SAYSD1: variants seen among roughly 807,000 people sequenced by gnomAD.
SAYSD1 encodes the protein SAYSVFN motif domain containing 1.
Under a neutral mutation model 14.5 loss-of-function variants are expected in SAYSD1, and 15 were observed. That is an observed-to-expected ratio of 1.03 (90% CI 0.69 to 1.59). The LOEUF (loss-of-function observed/expected upper bound fraction) is 1.59, where lower values mean the gene tolerates loss of function less well. Among genes scored for constraint, SAYSD1 ranks in the 40% most tolerant of loss-of-function variants. SAYSD1 has a pLI of 0.00. For missense variants in SAYSD1, 247 were observed against 227.3 expected (o/e 1.09, Z -0.56); for synonymous variants, 105 against 102.6 (o/e 1.02, Z -0.14).
At chr6:39,108,829 G>A (rs1769566900) in intron 1 of SAYSD1, among the ~76,000 whole-genome samples, 1 of 152,124 alleles carries the variant, frequency 6.6e-6, no homozygotes, top group South Asian at 2.1e-4. Context: ...ATTTAAAATA[G>A]TACTCTGCTC....
At chr6:39,108,619 T>C (rs1769548881) in intron 1 of SAYSD1, among the ~76,000 whole-genome samples, 1 of 152,142 alleles carries the variant, frequency 6.6e-6, no homozygotes, top group South Asian at 2.1e-4. Flanking sequence ...AATATCAAGC[T>C]GCTTCTTACC....
intron 1 of SAYSD1, among the ~76,000 whole-genome samples, chr6:39,107,232 C>T (rs555361549): frequency 6.6e-6 from 1 of 152,248 alleles, no homozygotes; most frequent in African/African-American, 2.4e-5. Context: ...CCTAGAATTC[C>T]GTCCACTTCC....
intron 1 of SAYSD1, among the ~76,000 whole-genome samples, chr6:39,109,871 T>C (rs527316101): frequency 6.6e-6 from 1 of 152,340 alleles, no homozygotes; most frequent in East Asian, 1.9e-4. Context: ...CATGATGTCC[T>C]CTAGGTTCAA....
At chr6:39,114,832 C>G in intron 1 of SAYSD1, 51 bp downstream of exon 1, 1 of 1,573,120 alleles carries the variant, frequency 6.4e-7, no homozygotes, top group Non-Finnish European at 8.7e-7. Flanking sequence ...GCCGCGCCCT[C>G]GACTGTGGCT....
chr6:39,109,593 A>G, intron 1 of SAYSD1: 1 of 1,376,420 alleles, frequency 7.3e-7, no homozygotes, highest in Non-Finnish European at 9.4e-7. Context: ...CTTTGTGCAT[A>G]TACATTACAG....
intron 1 of SAYSD1, chr6:39,109,436 A>G: frequency 6.5e-7 from 1 of 1,546,308 alleles, no homozygotes; most frequent in Non-Finnish European, 8.7e-7. Flanking sequence ...ATGACTGCTG[A>G]AAAGATGCAG....
At chr6:39,106,633 G>A (rs1769509563) in intron 1 of SAYSD1, among the ~76,000 whole-genome samples, 2 of 152,158 alleles carry the variant, frequency 1.3e-5, no homozygotes, top group Non-Finnish European at 1.5e-5. Flanking sequence ...CCCAGCCAAT[G>A]TCTCCTAACT....
chr6:39,109,250 G>T, intron 1 of SAYSD1: 1 of 1,448,316 alleles, frequency 6.9e-7, no homozygotes, highest in East Asian at 2.5e-5. Flanking sequence ...GTGTGCTGGG[G>T]GCTTGCCTGG....
chr6:39,108,682 A>G (rs971711547), intron 1 of SAYSD1, among the ~76,000 whole-genome samples: 18 of 152,204 alleles, frequency 1.2e-4, no homozygotes, highest in Admixed American at 2.6e-4. Flanking sequence ...CCTTCCCCTC[A>G]TATCACTTGG....
rs200873326 is a variant in SAYSD1, at chr6:39,115,131, C to T, written c.-42G>A. On this transcript the variant is annotated 5_prime_UTR_variant, in exon 1 of 2. Transcript: ENST00000229903. ...CCGTTGGCCGATAAGGGAGCGCGCG[C>T]CCGCAGGCCGCACAGCAGTTGCCTC... is the stretch of plus-strand genomic sequence containing the variant. The T allele has an allele frequency of 2.6e-5, 40 of 1,563,850 alleles. No homozygotes were observed. Among genetic ancestry groups the T allele is most frequent in the Admixed American group, 5.4e-5 (3 of 55,892 alleles).
chr6:39,109,299 A>AT, intron 1 of SAYSD1: 1 of 1,550,300 alleles, frequency 6.5e-7, no homozygotes. Context: ...TTCTGTAGGA[A>AT]TTTTTAAAAG....
At chr6:39,109,721 T>C (rs1026629888) in intron 1 of SAYSD1, 4 of 743,698 alleles carry the variant, frequency 5.4e-6, no homozygotes, top group African/African-American at 1.9e-5. Context: ...CCTAATATCC[T>C]CTGGGTTTCT....
At chr6:39,110,968 G>C (rs1248399604) in intron 1 of SAYSD1, 2 of 152,050 alleles carry the variant, frequency 1.3e-5, no homozygotes, top group Non-Finnish European at 2.9e-5. Flanking sequence ...CAAGAAGAAT[G>C]CAAGTTTGAA....
At chr6:39,113,319 T>A (rs1010486468) in intron 1 of SAYSD1, 17 of 152,612 alleles carry the variant, frequency 1.1e-4, no homozygotes, top group East Asian at 7.7e-4. Flanking sequence ...AAAAATAATT[T>A]AAAAAAATAG....
At chr6:39,105,828 T>A in intron 1 of SAYSD1, 52 bp from the exon 2 acceptor site, 1 of 1,520,056 alleles carries the variant, frequency 6.6e-7, no homozygotes, top group Non-Finnish European at 8.9e-7. Flanking sequence ...GGAGCTGAGA[T>A]GATCAAAACT....
At chr6:39,113,128 G>C (rs978052354) in intron 1 of SAYSD1, 1 of 152,198 alleles carries the variant, frequency 6.6e-6, no homozygotes, top group Non-Finnish European at 1.5e-5. Context: ...GAAATGGGTA[G>C]TAACTGCTAA....
chr6:39,109,670 A>C, intron 1 of SAYSD1: 3 of 1,115,560 alleles, frequency 2.7e-6, no homozygotes, highest in Non-Finnish European at 3.3e-6. Context: ...GCCTGAGATT[A>C]AAAGGTGTGG....
At chr6:39,105,928 CA>C in intron 1 of SAYSD1, 152 bp from the exon 2 acceptor site, 1 of 695,472 alleles carries the variant, frequency 1.4e-6, no homozygotes, top group Non-Finnish European at 2.4e-6. Context: ...CAATCATCTC[CA>C]AAGAACCTAT....
chr6:39,109,560 T>C, intron 1 of SAYSD1: 1 of 1,427,936 alleles, frequency 7.0e-7, no homozygotes, highest in Non-Finnish European at 9.1e-7. Flanking sequence ...ATGGTTTAGT[T>C]ATTTTGATGG....
Sources: gnomAD v4.1 joint callset for allele counts (sites outside exome capture counted in the v4.1 genomes callset) on GRCh38, gnomAD v4.1.1 for gene constraint, MANE v1.5 for transcripts, NCBI Gene and HGNC (gene_info 2026-07-23, HGNC 2026-07-21) for gene names.